AQR: variants seen among roughly 807,000 people sequenced by gnomAD.
The protein encoded by AQR is RNA helicase aquarius.
Under a neutral mutation model 180.5 loss-of-function variants are expected in AQR, and 61 were observed. That is an observed-to-expected ratio of 0.34 (90% confidence interval 0.28 to 0.42). The LOEUF (loss-of-function observed/expected upper bound fraction) is 0.42. AQR is among the 10% of genes least tolerant of loss of function. The pLI is 1.00. For missense variants in AQR, 1,281 were observed against 1,798.3 expected, an observed-to-expected ratio of 0.71 and a Z score of 5.20; for synonymous variants, 551 against 588.8, an observed-to-expected ratio of 0.94 and a Z score of 0.93.
intron 13 of AQR, among the ~76,000 whole-genome samples, chr15:34,923,233 T>C (rs1037357670): frequency 1.3e-5 from 2 of 152,152 alleles, no homozygotes; most frequent in African/African-American, 4.8e-5. Flanking sequence ...ACACAGTATA[T>C]ATAGGGTTCA....
In AQR at chr15:34,853,760, T is replaced by C. The variant is rs1377914478; in HGVS notation, c.*3032A>G. ...AATTATTTTCATAAACATTACCCTATAAAACAGACAACTCTCCTGTCCCAA... is the reference window on the plus strand; with the variant it reads ...AATTATTTTCATAAACATTACCCTACAAAACAGACAACTCTCCTGTCCCAA... On this transcript the variant is annotated 3_prime_UTR_variant, in exon 35 of 35. Transcript: ENST00000156471. The C allele has an allele frequency of 6.6e-6, 1 of 152,204 alleles. No individual in the cohort carries two copies. The highest frequency in any genetic ancestry group is 1.5e-5 in the Non-Finnish European group (1 of 68,036). 9.4% of individuals were successfully genotyped at this position (152,204 alleles called of 1,614,324 possible). A position where few individuals can be genotyped will look rare whatever the true frequency, so the allele number is the denominator to read the frequency against.
intron 13 of AQR, among the ~76,000 whole-genome samples, chr15:34,924,919 TAAAA>T (rs34745223): frequency 4.5e-5 from 6 of 134,000 alleles, no homozygotes; most frequent in Non-Finnish European, 9.5e-5. Context: ...AAGCTAAATG[TAAAA>T]AAAAAAAAAA....
chr15:34,898,430 T>G (rs1893280108), intron 20 of AQR, among the ~76,000 whole-genome samples: 1 of 152,182 alleles, frequency 6.6e-6, no homozygotes. Context: ...AGCACTTATT[T>G]TGGTAAGAAA....
At chr15:34,933,459 CTT>C (rs34956409) in intron 10 of AQR, among the ~76,000 whole-genome samples, 54 of 148,646 alleles carry the variant, frequency 3.6e-4, no homozygotes, top group South Asian at 1.1e-3. Flanking sequence ...AGTATGAAAT[CTT>C]TTTTTTTTTT....
At chr15:34,865,763 T>C (rs1892730882) in intron 32 of AQR, among the ~76,000 whole-genome samples, 1 of 152,156 alleles carries the variant, frequency 6.6e-6, no homozygotes, top group Non-Finnish European at 1.5e-5. Context: ...TCGACAACAA[T>C]GAACCTTGAA....
intron 24 of AQR, among the ~76,000 whole-genome samples, chr15:34,889,448 T>C (rs1389666527): frequency 6.6e-6 from 1 of 152,232 alleles, no homozygotes; most frequent in Non-Finnish European, 1.5e-5. Flanking sequence ...GTGCTTATTA[T>C]CTAAAATTGG....
intron 1 of AQR, among the ~76,000 whole-genome samples, chr15:34,966,640 A>G (rs913207310): frequency 1.6e-4 from 24 of 152,146 alleles, no homozygotes; most frequent in Non-Finnish European, 5.9e-5. Context: ...TACTCCCAGC[A>G]CCTGGTATTG....
chr15:34,935,283 C>G (rs1166984698), intron 9 of AQR, among the ~76,000 whole-genome samples: 1 of 151,954 alleles, frequency 6.6e-6, no homozygotes, highest in Non-Finnish European at 1.5e-5. Flanking sequence ...ATAATTACAA[C>G]CTTGGGGCAT....
chr15:34,870,100 CT>C (rs1487986745), intron 31 of AQR: 4 of 152,132 alleles, frequency 2.6e-5, no homozygotes, highest in African/African-American at 9.7e-5. Context: ...AAAAGGCCCT[CT>C]TTTCTTCTGC....
rs144134217 is a variant in AQR, at chr15:34,913,220, C to T, written c.1484+1818G>A. On this transcript the variant is annotated intron_variant, in intron 16 of 34. Coordinates refer to ENST00000156471, the MANE Select transcript of AQR (RefSeq NM_014691.3). ...ATCCCTGTTACCAAACCCAAGCAAC[C>T]GCTAATCTACTCCTCTTACCCCTTT... Among the ~76,000 whole-genome samples, 35 of 152,228 alleles carry T rather than the reference C, an allele frequency of 2.3e-4. No homozygotes were observed. The East Asian group carries it at 2.5e-3, about 11-fold the overall frequency.
intron 16 of AQR, among the ~76,000 whole-genome samples, chr15:34,913,975 C>T (rs2339746): frequency 0.71 from 108,734 of 152,098 alleles, 40,872 homozygotes; most frequent in South Asian, 0.84. Context: ...AAAAATAGAA[C>T]TCTCTATGAA....
intron 3 of AQR, among the ~76,000 whole-genome samples, chr15:34,954,767 G>A (rs1406941422): frequency 6.6e-6 from 1 of 151,926 alleles, no homozygotes; most frequent in African/African-American, 2.4e-5. Flanking sequence ...AACTGAAAGT[G>A]TACTTGTAAG....
chr15:34,945,007 G>T (rs35328257), intron 5 of AQR, among the ~76,000 whole-genome samples: 4,055 of 152,278 alleles, frequency 0.027, 109 homozygotes, highest in Middle Eastern at 0.048. Flanking sequence ...CTGTATGGCT[G>T]TCAAGTCCTA....
In AQR at chr15:34,944,524, C is replaced by A. The variant is rs943134662; in HGVS notation, c.331-96G>T. On this transcript the variant is annotated intron_variant, in intron 5 of 34. Transcript: ENST00000156471. ...GCTTTTTAGCAGTCTATTAAAAAAA[C>A]CAAATAATTACAAAAGGGTTATTTG... The A allele has an allele frequency of 1.5e-4, 183 of 1,251,168 alleles. 1 individual carries two copies. The highest frequency in any genetic ancestry group is 8.8e-4 in the African/African-American group (57 of 64,818). 77.5% of individuals were successfully genotyped at this position (1,251,168 alleles called of 1,614,324 possible).
chr15:34,941,001 TGAA>T lies in AQR; in HGVS notation c.541-5_541-3del. ...TTTTAATTCTAATTCCAATCGTGCC[TGAA>T]GAAGAGATGTGTTATTAAATTACCA... On this transcript the variant is annotated splice_polypyrimidine_tract_variant and splice_region_variant and intron_variant, in intron 7 of 34. Coordinates refer to ENST00000156471, the MANE Select transcript of AQR (RefSeq NM_014691.3). The T allele has an allele frequency of 6.3e-7, 1 of 1,587,724 alleles. No individual in the cohort carries two copies. Among genetic ancestry groups the T allele is most frequent in the Non-Finnish European group, 8.6e-7 (1 of 1,161,496 alleles).
chr15:34,963,125 G>A (rs1435857883), intron 2 of AQR, among the ~76,000 whole-genome samples: 1 of 152,142 alleles, frequency 6.6e-6, no homozygotes, highest in Non-Finnish European at 1.5e-5. Flanking sequence ...TACTACATGT[G>A]TGAGCCACTG....
rs1348741497 is a variant in AQR, at chr15:34,932,379, A to T, written c.839T>A (p.Leu280Gln). The change falls in exon 11 of 35, where the codon CTG becomes CAG. Residue 280 changes from leucine (L) to glutamine (Q), a missense_variant. Physicochemically the swap from Leu to Gln is moderately radical, Grantham distance 113. Coordinates refer to ENST00000156471, the MANE Select transcript of AQR (RefSeq NM_014691.3). ...AAGATTGGAAAGGTAACAGTGAACC[A>T]GAAGGTGGGAATCATCCAGGATGGT... Reference protein sequence around the residue: ...FNTILDDSHLLVHCYLSNLVR... With the variant: ...FNTILDDSHLQVHCYLSNLVR... 2 of 1,613,320 alleles carry T rather than the reference A, an allele frequency of 1.2e-6. No individual in the cohort carries two copies. Among genetic ancestry groups the T allele is most frequent in the East Asian group, 4.5e-5 (2 of 44,854 alleles).
At chr15:34,866,581 G>T (rs1008282263) in intron 32 of AQR, among the ~76,000 whole-genome samples, 2 of 152,062 alleles carry the variant, frequency 1.3e-5, no homozygotes, top group Admixed American at 1.3e-4. Context: ...GGTAGGGAGA[G>T]GAGGGGGGCG....
chr15:34,882,304 T>C (rs1000506349), intron 27 of AQR, among the ~76,000 whole-genome samples, 198 bp downstream of exon 27: 2 of 151,986 alleles, frequency 1.3e-5, no homozygotes, highest in African/African-American at 2.4e-5. Context: ...GGTTATAACA[T>C]TACCTAATGG....
Sources: gnomAD v4.1 joint callset for allele counts (sites outside exome capture counted in the v4.1 genomes callset) on GRCh38, gnomAD v4.1.1 for gene constraint, MANE v1.5 for transcripts, NCBI Gene and HGNC (gene_info 2026-07-23, HGNC 2026-07-21) for gene names.